The following MTHFD2L variants were observed in gnomAD, a reference collection of about 807,000 sequenced individuals.
MTHFD2L encodes the protein bifunctional methylenetetrahydrofolate dehydrogenase/cyclohydrolase 2, mitochondrial.
Under a neutral mutation model 34.9 loss-of-function variants are expected in MTHFD2L, and 29 were observed. The ratio of observed to expected loss-of-function variants is 0.83; its 90% CI spans 0.62 to 1.13. MTHFD2L has a LOEUF of 1.13. Ranked by LOEUF, MTHFD2L falls within the 50% of genes most tolerant of loss-of-function variation. The probability of loss-of-function intolerance (pLI) is 0.00; values close to 1 mark genes in which losing one functional copy is unlikely to be tolerated. For missense variants in MTHFD2L, 481 were observed against 446.5 expected, an observed-to-expected ratio of 1.08 and a Z score of -0.70; for synonymous variants, 167 against 155.7, an observed-to-expected ratio of 1.07 and a Z score of -0.54.
chr4:74,301,651 G>C, intron 7 of MTHFD2L, 46 bp from the exon 8 acceptor site: 4 of 1,152,754 alleles, frequency 3.5e-6, no homozygotes, highest in Non-Finnish European at 4.9e-6. Context: ...TAAAATCTCA[G>C]ATATTTTAAA....
intron 6 of MTHFD2L, among the ~76,000 whole-genome samples, chr4:74,273,495 C>T (rs1454822366): frequency 1.3e-5 from 2 of 152,148 alleles, no homozygotes; most frequent in African/African-American, 4.8e-5. Context: ...AATACTTCCT[C>T]AAACACATTA....
chr4:74,175,384 A>G lies in MTHFD2L; in HGVS notation c.432A>G (p.Leu144=). Residue 144 remains leucine, a synonymous_variant, in exon 3 of 8, where the codon TTA becomes TTG. Transcript: ENST00000325278. ...TGGACCCAAGAGTCAGCGGTATATTAGTTCAGTTACCACTACCAGGTACAT... is the reference window on the plus strand; with the variant it reads ...TGGACCCAAGAGTCAGCGGTATATTGGTTCAGTTACCACTACCAGGTACAT... The part of the protein sequence containing the change: ...LNMDPRVSGI[L]VQLPLPDHVD... 6.2e-7 allele frequency: 1 copy of G among 1,611,740 alleles called. No individual in the cohort carries two copies. Among genetic ancestry groups the G allele is most frequent in the Non-Finnish European group, 8.5e-7 (1 of 1,178,888 alleles).
At chr4:74,244,036 G>A in intron 6 of MTHFD2L, among the ~76,000 whole-genome samples, 1 of 152,174 alleles carries the variant, frequency 6.6e-6, no homozygotes, top group Non-Finnish European at 1.5e-5. Context: ...TTGGGCCTGT[G>A]GGAGAAAATG....
At chr4:74,226,878 AATG>A (rs1739252232) in intron 6 of MTHFD2L, among the ~76,000 whole-genome samples, 1 of 152,086 alleles carries the variant, frequency 6.6e-6, no homozygotes, top group Non-Finnish European at 1.5e-5. Flanking sequence ...AATGCCAGAT[AATG>A]ATAAGTGCTA....
intron 1 of MTHFD2L, chr4:74,165,083 AGG>A (rs1005957297): frequency 2.3e-5 from 13 of 557,134 alleles, no homozygotes; most frequent in African/African-American, 2.1e-4. Flanking sequence ...TAGAGTAAAA[AGG>A]GGCACGAATG....
chr4:74,285,685 C>T (rs1748082798), intron 7 of MTHFD2L, among the ~76,000 whole-genome samples: 1 of 152,068 alleles, frequency 6.6e-6, no homozygotes, highest in Admixed American at 6.6e-5. Context: ...TTTTAAAGGT[C>T]ACTAAACAAA....
At chr4:74,236,589 C>T (rs1010988832) in intron 6 of MTHFD2L, among the ~76,000 whole-genome samples, 1 of 152,244 alleles carries the variant, frequency 6.6e-6, no homozygotes, top group African/African-American at 2.4e-5. Context: ...CCAGGGTCTA[C>T]ATTGCTAGTA....
At chr4:74,159,615 C>T (rs1350146990) in intron 1 of MTHFD2L, among the ~76,000 whole-genome samples, 1 of 152,204 alleles carries the variant, frequency 6.6e-6, no homozygotes, top group Non-Finnish European at 1.5e-5. Flanking sequence ...GAAGTCATTA[C>T]AAACAACAGT....
At chr4:74,262,072 AAAAAC>A (rs1388692013) in intron 6 of MTHFD2L, among the ~76,000 whole-genome samples, 2 of 151,928 alleles carry the variant, frequency 1.3e-5, no homozygotes, top group Non-Finnish European at 2.9e-5. Flanking sequence ...GGAAGGATGA[AAAAAC>A]AAACACACAT....
intron 1 of MTHFD2L, chr4:74,140,462 C>A: frequency 5.4e-6 from 3 of 551,440 alleles, no homozygotes; most frequent in Non-Finnish European, 6.9e-6. Flanking sequence ...CACACAAATA[C>A]TCCTGTTTTT....
chr4:74,263,033 TTCTGTATG>T lies in MTHFD2L; in HGVS notation c.806-18389_806-18382del, dbSNP rs139368236. Among the ~76,000 whole-genome samples the T allele has an allele frequency of 5.5e-3, 833 of 152,014 alleles. 4 individuals carry two copies. Among genetic ancestry groups the T allele is most frequent in the African/African-American group, 0.019 (798 of 41,522 alleles). ...TTGTTTACATTAAATATGGACAGCTTTCTGTATGTCAGTTACACCTTAGTAGTTTCAAA... is the reference window on the plus strand; with the variant it reads ...TTGTTTACATTAAATATGGACAGCTTTCAGTTACACCTTAGTAGTTTCAAA... On this transcript the variant is annotated intron_variant, in intron 6 of 7. Transcript: ENST00000325278.
chr4:74,260,246 G>A (rs939162823), intron 6 of MTHFD2L, among the ~76,000 whole-genome samples: 1 of 152,164 alleles, frequency 6.6e-6, no homozygotes, highest in Non-Finnish European at 1.5e-5. Flanking sequence ...CCAGGAATGA[G>A]TCTTGGTGTT....
In MTHFD2L at chr4:74,134,658, T is replaced by C. The variant is rs186507064; in HGVS notation, c.-297+9141T>C. On this transcript the variant is annotated intron_variant, in intron 1 of 7. Transcript: ENST00000433372. Reference sequence around the variant, plus strand: ...GACTGACCCTCCTGAGATGGCGATTTGTGAACTCTCTGACCAAGAATTCAA... The same window carrying C: ...GACTGACCCTCCTGAGATGGCGATTCGTGAACTCTCTGACCAAGAATTCAA... Among the ~76,000 whole-genome samples the C allele has an allele frequency of 7.9e-5, 12 of 152,276 alleles. No individual in the cohort carries two copies. In the East Asian group the frequency reaches 2.3e-3, roughly 29 times the overall value.
In MTHFD2L at chr4:74,160,019, G is replaced by A. The variant is rs930134043; in HGVS notation, c.143+1738G>A. 2.4e-5 allele frequency: 31 copies of A among 1,270,742 alleles called. No individual in the cohort carries two copies. The Admixed American group carries it at 4.3e-4, about 18-fold the overall frequency. The allele number at this position is 1,270,742 out of a possible 1,614,324, so 78.7% of individuals were successfully genotyped here. A position where few individuals can be genotyped will look rare whatever the true frequency, so the allele number is the denominator to read the frequency against. ...TCGGGTGGGGAGGAATTCGGACAGT[G>A]TGTTGATGCTTATTGGTGTCTCTTT... On this transcript the variant is annotated intron_variant, in intron 1 of 7. Coordinates refer to ENST00000325278, the MANE Select transcript of MTHFD2L (RefSeq NM_001144978.3).
chr4:74,194,881 G>A (rs2155859), intron 3 of MTHFD2L: 111,057 of 152,246 alleles, frequency 0.73, 47,322 homozygotes, highest in Non-Finnish European at 0.94. Context: ...CTTCTACCAC[G>A]TGGCTGTTCT....
chr4:74,233,005 G>A (rs1246589), intron 6 of MTHFD2L, among the ~76,000 whole-genome samples: 143,255 of 152,252 alleles, frequency 0.94, 67,733 homozygotes, highest in Non-Finnish European at 0.99. Flanking sequence ...AATATTTATC[G>A]TATTGGTCTT....
intron 6 of MTHFD2L, among the ~76,000 whole-genome samples, chr4:74,256,465 T>C (rs1744041772): frequency 6.6e-6 from 1 of 152,110 alleles, no homozygotes; most frequent in Admixed American, 6.5e-5. Context: ...ATAAATTCCT[T>C]CCCAAGGCTG....
At chr4:74,267,843 T>C in intron 6 of MTHFD2L, 1 of 985,344 alleles carries the variant, frequency 1.0e-6, no homozygotes, top group Non-Finnish European at 1.2e-6. Context: ...TGAATGATCC[T>C]ATGAATTTCT....
chr4:74,202,406 A>G (rs969862359), intron 5 of MTHFD2L, among the ~76,000 whole-genome samples: 1 of 152,204 alleles, frequency 6.6e-6, no homozygotes, highest in African/African-American at 2.4e-5. Context: ...AAGTTATGCA[A>G]ACCCTCAGAC....
Sources: gnomAD v4.1 joint callset for allele counts (sites outside exome capture counted in the v4.1 genomes callset) on GRCh38, gnomAD v4.1.1 for gene constraint, MANE v1.5 for transcripts, NCBI Gene and HGNC (gene_info 2026-07-23, HGNC 2026-07-21) for gene names.